Variants in LSAMP observed in about 807,000 individuals in gnomAD.
The protein encoded by LSAMP is limbic system-associated membrane protein.
In LSAMP, 7 loss-of-function variants were observed where a neutral mutation model predicts 38.6. That is an observed-to-expected ratio of 0.18 (90% confidence interval 0.10 to 0.34). The LOEUF (loss-of-function observed/expected upper bound fraction) is 0.34, where lower values mean the gene tolerates loss of function less well. Ranked by LOEUF, LSAMP falls within the 10% of genes least tolerant of loss-of-function variation. LSAMP has a pLI of 1.00. For synonymous variants in LSAMP, 154 were observed against 166.8 expected, an observed-to-expected ratio of 0.92 and a Z score of 0.59; for missense variants, 313 against 420.0, an observed-to-expected ratio of 0.75 and a Z score of 2.23.
intron 1 of LSAMP, among the ~76,000 whole-genome samples, chr3:116,371,415 C>T (rs1476159561): frequency 6.6e-6 from 1 of 151,948 alleles, no homozygotes; most frequent in Non-Finnish European, 1.5e-5. Context: ...ATGTAATATA[C>T]ACATTAACAA....
intron 3 of LSAMP, among the ~76,000 whole-genome samples, chr3:115,891,382 G>T (rs1425181379): frequency 1.3e-5 from 2 of 152,006 alleles, no homozygotes; most frequent in African/African-American, 2.4e-5. Context: ...GTCATGAGAA[G>T]AAACAAGCCT....
chr3:116,150,469 TAATA>T (rs1370448832), intron 1 of LSAMP, among the ~76,000 whole-genome samples: 4 of 152,076 alleles, frequency 2.6e-5, no homozygotes, highest in Non-Finnish European at 5.9e-5. Context: ...GGCATTTTTA[TAATA>T]AATGTCTGCT....
intron 6 of LSAMP, among the ~76,000 whole-genome samples, chr3:115,823,159 C>A (rs894594659): frequency 2.6e-5 from 4 of 152,156 alleles, no homozygotes; most frequent in African/African-American, 4.8e-5. Context: ...TATTAATGCG[C>A]CAACTTGGAG....
At chr3:115,826,770 T>C (rs1489077772) in intron 6 of LSAMP, among the ~76,000 whole-genome samples, 3 of 152,182 alleles carry the variant, frequency 2.0e-5, no homozygotes, top group Admixed American at 2.0e-4. Flanking sequence ...CTTTCTTGTG[T>C]TCCTAATGAT....
At chr3:116,301,910 T>G (rs1166520346) in intron 1 of LSAMP, among the ~76,000 whole-genome samples, 1 of 152,210 alleles carries the variant, frequency 6.6e-6, no homozygotes, top group African/African-American at 2.4e-5. Flanking sequence ...AATGGTTGAT[T>G]GCAGCTGTGT....
chr3:116,300,756 A>G (rs138204814), intron 1 of LSAMP, among the ~76,000 whole-genome samples: 165 of 152,200 alleles, frequency 1.1e-3, no homozygotes, highest in African/African-American at 3.8e-3. Flanking sequence ...CTTCTATGAA[A>G]CCAGCCCCTG....
intron 1 of LSAMP, among the ~76,000 whole-genome samples, chr3:116,127,907 G>A (rs1464573267): frequency 2.0e-5 from 3 of 151,858 alleles, no homozygotes; most frequent in East Asian, 3.9e-4. Context: ...ATATCACACT[G>A]CTTAGCATTT....
At chr3:115,830,137 A>G (rs2918214) in intron 6 of LSAMP, among the ~76,000 whole-genome samples, 25,956 of 152,140 alleles carry the variant, frequency 0.17, 2,623 homozygotes, top group Admixed American at 0.29. Context: ...ATAGAGGTGT[A>G]TATGTAAATC....
chr3:116,278,350 C>T (rs2047081425), intron 1 of LSAMP, among the ~76,000 whole-genome samples: 1 of 152,016 alleles, frequency 6.6e-6, no homozygotes, highest in African/African-American at 2.4e-5. Flanking sequence ...CTATTTACTA[C>T]TAAGGACATT....
intron 1 of LSAMP, among the ~76,000 whole-genome samples, chr3:116,206,131 G>A (rs1296260272): frequency 1.3e-5 from 2 of 150,238 alleles, no homozygotes. Context: ...TTTAGTCTTG[G>A]GAGAGTGTAT....
At chr3:115,955,417 C>T (rs370892784) in intron 3 of LSAMP, among the ~76,000 whole-genome samples, 143 of 152,260 alleles carry the variant, frequency 9.4e-4, no homozygotes, top group African/African-American at 3.2e-3. Context: ...GTTCACTTCT[C>T]ATGAAAATAG....
chr3:116,426,623 A>G (rs1045532303), intron 1 of LSAMP, among the ~76,000 whole-genome samples: 1 of 152,208 alleles, frequency 6.6e-6, no homozygotes, highest in African/African-American at 2.4e-5. Flanking sequence ...AAAGAAAAAT[A>G]AAGGCAAAAT....
intron 6 of LSAMP, among the ~76,000 whole-genome samples, chr3:115,832,691 G>T (rs551467175): frequency 6.6e-6 from 1 of 152,134 alleles, no homozygotes; most frequent in Non-Finnish European, 1.5e-5. Flanking sequence ...CCAGCCATCC[G>T]TCTTAATGAA....
intron 1 of LSAMP, among the ~76,000 whole-genome samples, chr3:116,285,539 A>ATTT (rs34566307): frequency 2.0e-5 from 3 of 148,478 alleles, no homozygotes; most frequent in Non-Finnish European, 3.0e-5. Context: ...AGAAATGTGT[A>ATTT]TTTTTTTTTT....
intron 1 of LSAMP, among the ~76,000 whole-genome samples, chr3:116,225,887 C>G (rs550045657): frequency 4.1e-4 from 62 of 152,126 alleles, no homozygotes; most frequent in Middle Eastern, 3.4e-3. Flanking sequence ...AACAATCTTA[C>G]AAATCATCTT....
intron 2 of LSAMP, among the ~76,000 whole-genome samples, chr3:116,021,544 A>G (rs1325636143): frequency 6.6e-6 from 1 of 152,212 alleles, no homozygotes; most frequent in African/African-American, 2.4e-5. Flanking sequence ...ATGTGGACAT[A>G]CTAGGTGTCA....
At chr3:116,304,776 C>T (rs554630223) in intron 1 of LSAMP, among the ~76,000 whole-genome samples, 1 of 152,192 alleles carries the variant, frequency 6.6e-6, no homozygotes, top group African/African-American at 2.4e-5. Context: ...GGCCATGGTG[C>T]TGACGGTATC....
chr3:115,875,606 T>C (rs1338811530), intron 3 of LSAMP, among the ~76,000 whole-genome samples: 2 of 152,052 alleles, frequency 1.3e-5, no homozygotes, highest in East Asian at 1.9e-4. Flanking sequence ...TGACTGAATA[T>C]TCATGTGAGG....
intron 1 of LSAMP, among the ~76,000 whole-genome samples, chr3:116,324,075 T>A (rs142004424): frequency 2.6e-5 from 4 of 152,334 alleles, no homozygotes; most frequent in Non-Finnish European, 4.4e-5. Flanking sequence ...CTATGACAAT[T>A]GACATTTGGG....
Sources: allele counts gnomAD v4.1 joint callset (sites outside exome capture counted in the v4.1 genomes callset), GRCh38; gene constraint gnomAD v4.1.1; transcripts MANE v1.5; gene names NCBI Gene and HGNC (gene_info 2026-07-23, HGNC 2026-07-21).